ANKS1B: variants seen among roughly 807,000 people sequenced by gnomAD.
The protein encoded by ANKS1B is ankyrin repeat and sterile alpha motif domain containing 1B.
ANKS1B carries 36 observed loss-of-function variants against 148.3 expected under a neutral mutation model. The observed-to-expected ratio is 0.24, with a 90% CI of 0.19 to 0.32. ANKS1B has a LOEUF of 0.32. ANKS1B is among the 10% of genes least tolerant of loss of function. ANKS1B has a pLI of 1.00. For synonymous variants in ANKS1B, 542 were observed against 560.8 expected (o/e 0.97, Z 0.47); for missense variants, 1,157 against 1,542.6 (o/e 0.75, Z 4.19).
chr12:99,503,777 A>G (rs969582907), intron 10 of ANKS1B, among the ~76,000 whole-genome samples: 2 of 152,118 alleles, frequency 1.3e-5, no homozygotes, highest in Non-Finnish European at 2.9e-5. Flanking sequence ...AACCAAAAAA[A>G]AAAGCCTCTC....
intron 16 of ANKS1B, among the ~76,000 whole-genome samples, chr12:99,065,401 CAT>C (rs1283530885): frequency 2.0e-5 from 3 of 152,124 alleles, no homozygotes; most frequent in African/African-American, 7.2e-5. Flanking sequence ...TGCATAATAA[CAT>C]AATCCACAGA....
At chr12:98,775,146 C>T (rs531592153) in intron 24 of ANKS1B, among the ~76,000 whole-genome samples, 16 of 152,296 alleles carry the variant, frequency 1.1e-4, no homozygotes, top group African/African-American at 3.6e-4. Flanking sequence ...CCAGGAGGCA[C>T]TGTCACAGGA....
intron 1 of ANKS1B, among the ~76,000 whole-genome samples, chr12:99,828,851 C>T (rs1314991771): frequency 1.3e-5 from 2 of 152,000 alleles, no homozygotes; most frequent in African/African-American, 4.8e-5. Flanking sequence ...GGTGTGGTGG[C>T]GCACGCCTGT....
intron 12 of ANKS1B, among the ~76,000 whole-genome samples, chr12:99,373,194 C>T (rs1330886129): frequency 6.6e-6 from 1 of 152,056 alleles, no homozygotes; most frequent in Non-Finnish European, 1.5e-5. Context: ...ATAAGAGGAA[C>T]TATGGGGTAA....
intron 16 of ANKS1B, among the ~76,000 whole-genome samples, chr12:99,056,939 A>G (rs2153543134): frequency 6.6e-6 from 1 of 152,308 alleles, no homozygotes; most frequent in Admixed American, 6.5e-5. Context: ...CCTTTAGTTC[A>G]AAAACAGGCT....
At chr12:99,251,885 T>C (rs185710318) in intron 12 of ANKS1B, among the ~76,000 whole-genome samples, 2 of 152,312 alleles carry the variant, frequency 1.3e-5, no homozygotes, top group African/African-American at 2.4e-5. Context: ...CACAAATATG[T>C]ATAAAACGTT....
At chr12:99,549,964 G>A (rs779140982) in intron 9 of ANKS1B, among the ~76,000 whole-genome samples, 3 of 152,134 alleles carry the variant, frequency 2.0e-5, no homozygotes, top group South Asian at 2.1e-4. Flanking sequence ...CCTCCCGCTC[G>A]GACCTATAAT....
At chr12:99,799,021 C>T (rs763146268) in intron 4 of ANKS1B, among the ~76,000 whole-genome samples, 6 of 152,092 alleles carry the variant, frequency 3.9e-5, no homozygotes, top group Non-Finnish European at 7.4e-5. Context: ...TGTGAACCTG[C>T]TTTCACTTCA....
At position 99,134,645 on chromosome 12, in the gene ANKS1B, TCACACACACACACACACACA is replaced by T. The variant is rs4016023; in HGVS notation, c.2526+19624_2526+19643del. ...CCCTTTCTGTCTCTCTCTCTCTCTC[TCACACACACACACACACACA>T]CACACACACACACACACACACACAC... On this transcript the variant is annotated intron_variant, in intron 15 of 26. Coordinates refer to ENST00000683438, the MANE Select transcript of ANKS1B (RefSeq NM_001352186.2). 2.0e-3 allele frequency among the ~76,000 whole-genome samples: 211 copies of T among 105,098 alleles called. 1 individual carries two copies. Among genetic ancestry groups the T allele is most frequent in the Admixed American group, 3.1e-3 (33 of 10,538 alleles). The allele number at this position is 105,098 out of a possible 152,430, so 68.9% of individuals were successfully genotyped here. A position where few individuals can be genotyped will look rare whatever the true frequency, so the allele number is the denominator to read the frequency against.
intron 11 of ANKS1B, among the ~76,000 whole-genome samples, chr12:99,406,760 A>T (rs577777066): frequency 1.4e-5 from 2 of 145,964 alleles, no homozygotes; most frequent in South Asian, 4.2e-4. Context: ...AAAATTGACA[A>T]ACCTTTAGCC....
At chr12:99,920,612 C>T (rs2094322635) in intron 1 of ANKS1B, among the ~76,000 whole-genome samples, 1 of 152,042 alleles carries the variant, frequency 6.6e-6, no homozygotes, top group African/African-American at 2.4e-5. Flanking sequence ...TTAAAAGTCC[C>T]TGGCATCAAG....
At chr12:98,745,983 G>A in intron 26 of ANKS1B, 134 bp from the exon 27 acceptor site, 1 of 898,392 alleles carries the variant, frequency 1.1e-6, no homozygotes, top group Non-Finnish European at 1.6e-6. Flanking sequence ...TAGGCGGCTC[G>A]CGGGCTCGCT....
At chr12:98,915,064 TC>T (rs1035707835) in intron 17 of ANKS1B, among the ~76,000 whole-genome samples, 10 of 151,964 alleles carry the variant, frequency 6.6e-5, no homozygotes, top group Non-Finnish European at 1.5e-4. Context: ...TGAATTATGT[TC>T]CCCCCACCAC....
intron 11 of ANKS1B, among the ~76,000 whole-genome samples, chr12:99,405,593 T>G (rs2094512721): frequency 2.1e-5 from 3 of 144,344 alleles, no homozygotes; most frequent in Admixed American, 6.9e-5. Context: ...GAGAAAATCT[T>G]CACTAAAAGG....
intron 15 of ANKS1B, among the ~76,000 whole-genome samples, chr12:99,098,252 C>T (rs1180215423): frequency 6.6e-6 from 1 of 152,118 alleles, no homozygotes; most frequent in Admixed American, 6.5e-5. Context: ...ATCAAATTCC[C>T]CTCACCCCAC....
At chr12:99,939,219 T>C (rs1186427379) in intron 1 of ANKS1B, among the ~76,000 whole-genome samples, 2 of 151,902 alleles carry the variant, frequency 1.3e-5, no homozygotes, top group Non-Finnish European at 2.9e-5. Flanking sequence ...AGCCCCTGAG[T>C]ATCTAGGACT....
In ANKS1B at chr12:99,546,478, C is replaced by T. The variant is rs115542070; in HGVS notation, c.1273-41837G>A. On this transcript the variant is annotated intron_variant, in intron 9 of 26. Coordinates refer to ENST00000683438, the MANE Select transcript of ANKS1B (RefSeq NM_001352186.2). ...GTCCTAATCACATGCCAAACCATGC[C>T]ACAAGTTTCCAGGGACACATTTCAC... is the stretch of plus-strand genomic sequence containing the variant. 1.9e-3 allele frequency among the ~76,000 whole-genome samples: 287 copies of T among 152,212 alleles called. 1 individual carries two copies. The highest frequency in any genetic ancestry group is 6.7e-3 in the African/African-American group (278 of 41,542).
intron 1 of ANKS1B, among the ~76,000 whole-genome samples, chr12:99,928,096 A>G (rs185872337): frequency 2.8e-4 from 42 of 152,152 alleles, no homozygotes; most frequent in African/African-American, 9.9e-4. Context: ...AGTTATTCAT[A>G]CACATGAAAG....
At chr12:99,334,179 CAGAT>C (rs1286980273) in intron 12 of ANKS1B, among the ~76,000 whole-genome samples, 61 of 127,046 alleles carry the variant, frequency 4.8e-4, no homozygotes, top group Middle Eastern at 4.0e-3. Flanking sequence ...GACAGACAGA[CAGAT>C]AGATAGATAC....
Sources: allele counts gnomAD v4.1 joint callset (sites outside exome capture counted in the v4.1 genomes callset), GRCh38; gene constraint gnomAD v4.1.1; transcripts MANE v1.5; gene names NCBI Gene and HGNC (gene_info 2026-07-23, HGNC 2026-07-21).